KCNH5: variants seen among roughly 807,000 people sequenced by gnomAD.
The protein encoded by KCNH5 is potassium voltage-gated channel subfamily H member 5.
Under a neutral mutation model 96.1 loss-of-function variants are expected in KCNH5, and 46 were observed. The ratio of observed to expected loss-of-function variants is 0.48; its 90% CI spans 0.38 to 0.61. KCNH5 has a LOEUF of 0.61. Among genes scored for constraint, KCNH5 ranks in the 20% least tolerant of loss-of-function variants. The probability of loss-of-function intolerance (pLI) is 0.00; values close to 1 mark genes in which losing one functional copy is unlikely to be tolerated. For missense variants in KCNH5, 907 were observed against 1,225.8 expected, an observed-to-expected ratio of 0.74 and a Z score of 3.88; for synonymous variants, 439 against 449.8, an observed-to-expected ratio of 0.98 and a Z score of 0.30.
At chr14:62,740,327 C>CG (rs1335913460) in intron 10 of KCNH5, among the ~76,000 whole-genome samples, 1 of 152,136 alleles carries the variant, frequency 6.6e-6, no homozygotes, top group African/African-American at 2.4e-5. Flanking sequence ...TGTGTGCACA[C>CG]GCACACTTGT....
chr14:62,781,536 G>C (rs1886214463), intron 9 of KCNH5, among the ~76,000 whole-genome samples: 1 of 152,154 alleles, frequency 6.6e-6, no homozygotes, highest in Non-Finnish European at 1.5e-5. Flanking sequence ...AGACGGCCAC[G>C]CCCGGCGGGG....
At chr14:62,717,727 A>G (rs1262848649) in intron 10 of KCNH5, among the ~76,000 whole-genome samples, 2 of 152,204 alleles carry the variant, frequency 1.3e-5, no homozygotes, top group African/African-American at 4.8e-5. Context: ...GTGACCCTGA[A>G]TTAGACAATG....
At chr14:62,976,376 C>T (rs1467984660) in intron 6 of KCNH5, among the ~76,000 whole-genome samples, 6 of 145,060 alleles carry the variant, frequency 4.1e-5, no homozygotes, top group Non-Finnish European at 7.4e-5. Context: ...GCACTCCAGC[C>T]TGGGTGACAG....
In KCNH5 at chr14:62,703,182, A is replaced by C. The variant is rs1316350637; in HGVS notation, c.*4326T>G. 6.6e-6 allele frequency: 1 copy of C among 151,862 alleles called. No homozygotes were observed. The highest frequency in any genetic ancestry group is 1.9e-4 in the East Asian group (1 of 5,194). 9.4% of individuals were successfully genotyped at this position (151,862 alleles called of 1,614,324 possible). Reference sequence around the variant, plus strand: ...ACGTTTATTTGATTTGTAGTTCTAAATTCCCACATAAGTATGAAGTTTTAT... The same window carrying C: ...ACGTTTATTTGATTTGTAGTTCTAACTTCCCACATAAGTATGAAGTTTTAT... On this transcript the variant is annotated 3_prime_UTR_variant, in exon 11 of 11. Transcript: ENST00000322893.
chr14:62,965,553 C>A (rs1890289603), intron 6 of KCNH5, among the ~76,000 whole-genome samples: 1 of 152,114 alleles, frequency 6.6e-6, no homozygotes, highest in Admixed American at 6.6e-5. Flanking sequence ...GAGCTGTGAG[C>A]TAAATAGGCT....
At chr14:62,715,209 G>GA (rs941981549) in intron 10 of KCNH5, among the ~76,000 whole-genome samples, 3 of 151,522 alleles carry the variant, frequency 2.0e-5, no homozygotes, top group Non-Finnish European at 2.9e-5. Context: ...ATAAAGGCAA[G>GA]AAAAAAAAGG....
At chr14:62,740,570 T>C (rs10133621) in intron 10 of KCNH5, among the ~76,000 whole-genome samples, 96,571 of 152,088 alleles carry the variant, frequency 0.63, 31,473 homozygotes, top group East Asian at 0.86. Context: ...AAAAACATGA[T>C]ATTTAAGAGA....
At chr14:62,955,232 T>A (rs897061258) in intron 6 of KCNH5, among the ~76,000 whole-genome samples, 1 of 152,106 alleles carries the variant, frequency 6.6e-6, no homozygotes, top group African/African-American at 2.4e-5. Flanking sequence ...CTAATGTGGG[T>A]AACCTGGAAA....
chr14:62,975,490 C>T (rs1364196061), intron 6 of KCNH5, among the ~76,000 whole-genome samples: 1 of 151,726 alleles, frequency 6.6e-6, no homozygotes, highest in Non-Finnish European at 1.5e-5. Context: ...AAAACAATCA[C>T]ATATTAAAAG....
At chr14:62,939,502 T>TAACTGCAC (rs1194472215) in intron 7 of KCNH5, among the ~76,000 whole-genome samples, 2 of 152,334 alleles carry the variant, frequency 1.3e-5, no homozygotes, top group Admixed American at 1.3e-4. Flanking sequence ...CCTCCAGTAA[T>TAACTGCAC]AACTGCACCT....
intron 10 of KCNH5, among the ~76,000 whole-genome samples, chr14:62,735,448 G>A (rs537796622): frequency 1.3e-5 from 2 of 152,270 alleles, no homozygotes; most frequent in African/African-American, 4.8e-5. Flanking sequence ...CAATTTCACT[G>A]TTACTGTCTT....
At chr14:62,978,893 T>C (rs534229175) in intron 6 of KCNH5, among the ~76,000 whole-genome samples, 1 of 152,340 alleles carries the variant, frequency 6.6e-6, no homozygotes, top group East Asian at 1.9e-4. Flanking sequence ...ATGTGTTTCT[T>C]CACAGTTATC....
At chr14:62,821,148 G>A (rs1887106636) in intron 8 of KCNH5, among the ~76,000 whole-genome samples, 1 of 150,800 alleles carries the variant, frequency 6.6e-6, no homozygotes, top group Admixed American at 6.6e-5. Flanking sequence ...GCGGGCAAAG[G>A]ACATGAAAAG....
intron 1 of KCNH5, among the ~76,000 whole-genome samples, chr14:63,039,750 A>C (rs1003083094): frequency 1.3e-5 from 2 of 152,152 alleles, no homozygotes; most frequent in African/African-American, 4.8e-5. Flanking sequence ...ACTGTCAACT[A>C]AAATAAATTC....
intron 9 of KCNH5, among the ~76,000 whole-genome samples, chr14:62,794,255 T>C (rs1303187281): frequency 6.6e-6 from 1 of 152,012 alleles, no homozygotes; most frequent in African/African-American, 2.4e-5. Context: ...GTTAGAGAAA[T>C]CTTTTTTAAA....
intron 6 of KCNH5, among the ~76,000 whole-genome samples, chr14:62,950,856 C>A (rs1406947898): frequency 6.6e-6 from 1 of 152,050 alleles, no homozygotes; most frequent in Non-Finnish European, 1.5e-5. Context: ...CAGAGAGAAA[C>A]CGAAGATGAA....
intron 1 of KCNH5, among the ~76,000 whole-genome samples, chr14:63,032,721 C>T (rs1483172972): frequency 6.6e-6 from 1 of 152,144 alleles, no homozygotes; most frequent in Non-Finnish European, 1.5e-5. Context: ...GCTAATTACC[C>T]GGATCTTTTC....
chr14:62,872,004 C>T (rs1888265482), intron 7 of KCNH5, among the ~76,000 whole-genome samples: 1 of 152,210 alleles, frequency 6.6e-6, no homozygotes, highest in African/African-American at 2.4e-5. Context: ...TCTCACCCTT[C>T]TCCCTTTTGA....
intron 8 of KCNH5, among the ~76,000 whole-genome samples, chr14:62,812,987 A>G (rs922622632): frequency 3.9e-5 from 6 of 152,164 alleles, no homozygotes; most frequent in Admixed American, 2.6e-4. Context: ...TTATAATTGG[A>G]TATCAAGATT....
Sources: gnomAD v4.1 joint callset for allele counts (sites outside exome capture counted in the v4.1 genomes callset) on GRCh38, gnomAD v4.1.1 for gene constraint, MANE v1.5 for transcripts, NCBI Gene and HGNC (gene_info 2026-07-23, HGNC 2026-07-21) for gene names.